The following PTPN14 variants were observed in gnomAD, a reference collection of about 807,000 sequenced individuals.
PTPN14 encodes tyrosine-protein phosphatase non-receptor type 14.
In PTPN14, 53 loss-of-function variants were observed where a neutral mutation model predicts 126.8. That is an observed-to-expected ratio of 0.42 (90% confidence interval 0.34 to 0.53). The LOEUF (loss-of-function observed/expected upper bound fraction) is 0.53, where lower values mean the gene tolerates loss of function less well. Among genes scored for constraint, PTPN14 ranks in the 20% least tolerant of loss-of-function variants. The pLI, the probability that PTPN14 is intolerant of heterozygous loss-of-function variation, is 0.08. For synonymous variants in PTPN14, 630 were observed against 599.3 expected, an observed-to-expected ratio of 1.05 and a Z score of -0.75; for missense variants, 1,257 against 1,552.9, an observed-to-expected ratio of 0.81 and a Z score of 3.20.
At chr1:214,401,869 CTA>C in intron 6 of PTPN14, 97 bp from the exon 7 acceptor site, 1 of 1,010,090 alleles carries the variant, frequency 9.9e-7, no homozygotes, top group Non-Finnish European at 1.5e-6. Context: ...TGGTTTAGCT[CTA>C]GTTTCTGGGA....
intron 1 of PTPN14, among the ~76,000 whole-genome samples, chr1:214,547,547 C>G (rs1033707624): frequency 1.3e-5 from 2 of 152,176 alleles, no homozygotes; most frequent in African/African-American, 2.4e-5. Context: ...CAGTGGCTGG[C>G]ATTACACTAG....
At chr1:214,515,492 A>G (rs1655078124) in intron 1 of PTPN14, among the ~76,000 whole-genome samples, 1 of 145,194 alleles carries the variant, frequency 6.9e-6, no homozygotes, top group Non-Finnish European at 1.5e-5. Context: ...TCTATTTAAG[A>G]AAAAAAAATA....
Position 214,482,591 on chromosome 1 carries a change from A to G in PTPN14, c.-154-17634T>C, listed in dbSNP as rs77979689. On this transcript the variant is annotated intron_variant, in intron 1 of 18. Coordinates refer to ENST00000366956, the MANE Select transcript of PTPN14 (RefSeq NM_005401.5). ...GCAGTTTAGAAAAGAAAAAAAAAAA[A>G]TCACATAGAAACTACTCAATTTCTT... 1.6e-3 allele frequency among the ~76,000 whole-genome samples: 239 copies of G among 148,730 alleles called. 5 individuals are homozygous for G. The East Asian group carries it at 0.043, about 26-fold the overall frequency.
chr1:214,361,602 G>A (rs1657957335), intron 18 of PTPN14, among the ~76,000 whole-genome samples: 1 of 152,210 alleles, frequency 6.6e-6, no homozygotes, highest in African/African-American at 2.4e-5. Flanking sequence ...ACTTTATGAA[G>A]GAGGTATAAC....
chr1:214,440,266 G>A (rs1660009338), intron 3 of PTPN14, among the ~76,000 whole-genome samples: 1 of 152,102 alleles, frequency 6.6e-6, no homozygotes, highest in East Asian at 1.9e-4. Context: ...TTGATATGTG[G>A]GGTCTCATAT....
Position 214,357,874 on chromosome 1 carries a change from C to T in PTPN14, c.*48G>A. On this transcript the variant is annotated 3_prime_UTR_variant, in exon 19 of 19. Coordinates refer to ENST00000366956, the MANE Select transcript of PTPN14 (RefSeq NM_005401.5). ...GATGTTGTCTGGAGGTGACTCTCCT[C>T]CAGCGCGATGGAGCTGGGTCCCTCC... The T allele has an allele frequency of 6.3e-7, 1 of 1,582,678 alleles. No homozygotes were observed. The highest frequency in any genetic ancestry group is 1.1e-5 in the South Asian group (1 of 89,016).
intron 3 of PTPN14, among the ~76,000 whole-genome samples, chr1:214,438,631 G>T (rs940373895): frequency 2.0e-4 from 31 of 152,066 alleles, no homozygotes; most frequent in African/African-American, 7.0e-4. Flanking sequence ...ACAGTGATTT[G>T]GGTTTTACTA....
intron 5 of PTPN14, among the ~76,000 whole-genome samples, chr1:214,407,136 T>C (rs1042339258): frequency 6.6e-6 from 1 of 152,212 alleles, no homozygotes; most frequent in African/African-American, 2.4e-5. Flanking sequence ...AAGTAATATG[T>C]TAATCTCTGG....
chr1:214,389,014 A>G (rs191398614), intron 11 of PTPN14, among the ~76,000 whole-genome samples: 4 of 152,358 alleles, frequency 2.6e-5, no homozygotes, highest in Non-Finnish European at 5.9e-5. Context: ...GGCCTACCAA[A>G]GAAAAGGTGC....
At chr1:214,514,631 G>A (rs1291153135) in intron 1 of PTPN14, among the ~76,000 whole-genome samples, 2 of 152,114 alleles carry the variant, frequency 1.3e-5, no homozygotes, top group African/African-American at 4.8e-5. Flanking sequence ...CTCCCGGGCA[G>A]GCGGGCGGGG....
At chr1:214,424,999 G>A (rs760485505) in intron 3 of PTPN14, among the ~76,000 whole-genome samples, 5 of 151,842 alleles carry the variant, frequency 3.3e-5, no homozygotes, top group East Asian at 1.9e-4. Context: ...GTTATGCCAC[G>A]TTGGCCAGGC....
At chr1:214,433,877 C>T (rs1262772471) in intron 3 of PTPN14, among the ~76,000 whole-genome samples, 3 of 148,734 alleles carry the variant, frequency 2.0e-5, no homozygotes. Context: ...CTGCTTGAGC[C>T]GAGGGGTTCT....
chr1:214,472,498 CT>C (rs1660781418), intron 1 of PTPN14, among the ~76,000 whole-genome samples: 1 of 152,164 alleles, frequency 6.6e-6, no homozygotes, highest in Non-Finnish European at 1.5e-5. Flanking sequence ...TCAGGTATTT[CT>C]TCATAGCCAT....
chr1:214,468,297 C>A (rs1660684754), intron 1 of PTPN14, among the ~76,000 whole-genome samples: 1 of 152,014 alleles, frequency 6.6e-6, no homozygotes, highest in Non-Finnish European at 1.5e-5. Flanking sequence ...GGCTCACGCC[C>A]GTAATCCTAG....
At chr1:214,497,363 T>C (rs376358460) in intron 1 of PTPN14, among the ~76,000 whole-genome samples, 4 of 152,140 alleles carry the variant, frequency 2.6e-5, no homozygotes, top group Non-Finnish European at 4.4e-5. Context: ...ATCTATCAAG[T>C]TAAAAAAATT....
chr1:214,428,677 T>C (rs1213917448), intron 3 of PTPN14, among the ~76,000 whole-genome samples: 1 of 152,190 alleles, frequency 6.6e-6, no homozygotes, highest in Non-Finnish European at 1.5e-5. Context: ...AGAGACCATG[T>C]AGTAAATGTG....
chr1:214,423,405 G>A (rs1010492427), intron 3 of PTPN14, among the ~76,000 whole-genome samples: 46 of 152,210 alleles, frequency 3.0e-4, no homozygotes, highest in African/African-American at 9.6e-4. Flanking sequence ...GCACACTTCC[G>A]GTGACCACAG....
intron 3 of PTPN14, among the ~76,000 whole-genome samples, chr1:214,442,704 T>C (rs909611737): frequency 6.6e-6 from 1 of 152,240 alleles, no homozygotes; most frequent in Non-Finnish European, 1.5e-5. Context: ...AACAGCTAGA[T>C]TATGTTTACG....
intron 1 of PTPN14, among the ~76,000 whole-genome samples, chr1:214,514,944 G>A (rs913726716): frequency 1.3e-5 from 2 of 152,148 alleles, no homozygotes; most frequent in Admixed American, 6.5e-5. Flanking sequence ...AACTTTGTTC[G>A]GTCGCCTGGC....
Sources: allele counts gnomAD v4.1 joint callset (sites outside exome capture counted in the v4.1 genomes callset), GRCh38; gene constraint gnomAD v4.1.1; transcripts MANE v1.5; gene names NCBI Gene and HGNC (gene_info 2026-07-23, HGNC 2026-07-21).